The following ASXL3 variants were observed in gnomAD, a reference collection of about 807,000 sequenced individuals.
ASXL3 encodes the protein ASXL transcriptional regulator 3, also known as putative Polycomb group protein ASXL3.
In ASXL3, 34 loss-of-function variants were observed where a neutral mutation model predicts 170.6. The observed-to-expected ratio is 0.20, with a 90% CI of 0.15 to 0.27. ASXL3 has a LOEUF of 0.27. Among genes scored for constraint, ASXL3 ranks in the 10% least tolerant of loss-of-function variants. ASXL3 has a pLI of 1.00. For missense variants in ASXL3, 2,592 were observed against 2,695.3 expected, an observed-to-expected ratio of 0.96 and a Z score of 0.85; for synonymous variants, 1,002 against 989.1, an observed-to-expected ratio of 1.01 and a Z score of -0.24.
intron 1 of ASXL3, among the ~76,000 whole-genome samples, chr18:33,603,881 T>G (rs1174806935): frequency 6.6e-6 from 1 of 152,084 alleles, no homozygotes; most frequent in African/African-American, 2.4e-5. Flanking sequence ...ATGTAAAAAT[T>G]GAGCACTGTT....
rs143855418 is a variant in ASXL3 at position 33,739,399 on chromosome 18, A to G, written c.1995A>G (p.Arg665=). The change falls in exon 11 of 12, where the codon AGA becomes AGG. Residue 665 remains arginine, a synonymous_variant. Transcript: ENST00000269197. ...AAAATACAGACAAATACAACCAGAGAAATTCCACTGATGAAAACTTTCATG... is the reference window on the plus strand; with the variant it reads ...AAAATACAGACAAATACAACCAGAGGAATTCCACTGATGAAAACTTTCATG... ...STENTDKYNQ[R]NSTDENFHAS... 1,574 of 1,613,856 alleles carry G rather than the reference A, an allele frequency of 9.8e-4. 11 individuals are homozygous for G. In the African/African-American group the frequency reaches 0.018, roughly 18 times the overall value.
intron 11 of ASXL3, among the ~76,000 whole-genome samples, chr18:33,740,949 A>G (rs2067652231): frequency 6.6e-6 from 1 of 152,196 alleles, no homozygotes; most frequent in African/African-American, 2.4e-5. Context: ...GTCTAGAATT[A>G]TAAACATCTC....
In ASXL3 at chr18:33,686,235, G is replaced by A. The variant is rs534239290; in HGVS notation, c.879+2667G>A. On this transcript the variant is annotated intron_variant, in intron 8 of 11. Transcript: ENST00000269197. ...AGCATGTGTTGTGTACTATACGCAA[G>A]AATGGATCTTGTGGAGGATACAAGA... Among the ~76,000 whole-genome samples the A allele has an allele frequency of 3.9e-5, 6 of 152,276 alleles. No individual in the cohort carries two copies. The South Asian group carries it at 1.0e-3, about 26-fold the overall frequency.
At chr18:33,647,027 T>C (rs2065926676) in intron 4 of ASXL3, among the ~76,000 whole-genome samples, 1 of 152,028 alleles carries the variant, frequency 6.6e-6, no homozygotes, top group Admixed American at 6.6e-5. Flanking sequence ...CTGCAGTGCT[T>C]TCTTCTACTC....
intron 1 of ASXL3, among the ~76,000 whole-genome samples, chr18:33,595,692 A>C (rs921368223): frequency 2.6e-5 from 4 of 152,192 alleles, no homozygotes; most frequent in African/African-American, 9.7e-5. Flanking sequence ...ATGCCTACGA[A>C]CATAGCTTCC....
At chr18:33,641,249 G>A (rs570808130) in intron 2 of ASXL3, among the ~76,000 whole-genome samples, 1 of 151,978 alleles carries the variant, frequency 6.6e-6, no homozygotes, top group Non-Finnish European at 1.5e-5. Flanking sequence ...ACAGCACTGG[G>A]GCTCTGTAAA....
At chr18:33,630,669 T>C (rs541365890) in intron 2 of ASXL3, among the ~76,000 whole-genome samples, 1 of 152,124 alleles carries the variant, frequency 6.6e-6, no homozygotes, top group Non-Finnish European at 1.5e-5. Flanking sequence ...GCTGAATTCT[T>C]TTGACATTCT....
intron 1 of ASXL3, among the ~76,000 whole-genome samples, chr18:33,603,429 T>C (rs1429986307): frequency 1.3e-5 from 2 of 152,044 alleles, no homozygotes; most frequent in Non-Finnish European, 2.9e-5. Context: ...GCATTTTTTT[T>C]CTCCCCATAC....
intron 5 of ASXL3, among the ~76,000 whole-genome samples, chr18:33,668,438 A>AG (rs2066292249): frequency 6.6e-6 from 1 of 151,882 alleles, no homozygotes; most frequent in African/African-American, 2.4e-5. Context: ...AAAAAAAAAA[A>AG]AAAAATAGGA....
In ASXL3 at chr18:33,744,745, T is replaced by C. The variant is rs774163764; in HGVS notation, c.4897T>C (p.Tyr1633His). The C allele has an allele frequency of 6.2e-7, 1 of 1,613,954 alleles. No homozygotes were observed. The highest frequency in any genetic ancestry group is 8.5e-7 in the Non-Finnish European group (1 of 1,179,888). Reference protein sequence around the residue: ...THSGSSKQKEYLEQSCPKAIK... With the variant: ...THSGSSKQKEHLEQSCPKAIK... The stretch of plus-strand genomic sequence containing the variant: ...CTCGGGTTCAAGTAAACAAAAAGAA[T>C]ATCTAGAGCAAAGCTGTCCAAAGGC... Residue 1633 changes from tyrosine (Y) to histidine (H), a missense_variant, in exon 12 of 12, where the codon TAT becomes CAT. Around this residue, in one of 4 missense-constraint regions of ASXL3, gnomAD observed 2,246 missense variants for 2,219.6 expected, o/e 1.01. Coordinates refer to ENST00000269197, the MANE Select transcript of ASXL3 (RefSeq NM_030632.3).
chr18:33,593,423 T>C (rs2065097446), intron 1 of ASXL3, among the ~76,000 whole-genome samples: 1 of 151,986 alleles, frequency 6.6e-6, no homozygotes, highest in African/African-American at 2.4e-5. Flanking sequence ...GTTTCCACTC[T>C]TCCTTAGATA....
At chr18:33,654,096 C>G (rs915513872) in intron 4 of ASXL3, among the ~76,000 whole-genome samples, 1 of 151,964 alleles carries the variant, frequency 6.6e-6, no homozygotes, top group Non-Finnish European at 1.5e-5. Flanking sequence ...AAAACGTTTT[C>G]TTTTTAAATG....
chr18:33,733,435 G>T (rs939593845), intron 9 of ASXL3, among the ~76,000 whole-genome samples: 2 of 151,966 alleles, frequency 1.3e-5, no homozygotes, highest in African/African-American at 4.8e-5. Flanking sequence ...CACCTATCTG[G>T]TCATGAACTG....
chr18:33,698,550 G>A (rs1467917420), intron 8 of ASXL3, among the ~76,000 whole-genome samples: 1 of 152,074 alleles, frequency 6.6e-6, no homozygotes, highest in Non-Finnish European at 1.5e-5. Context: ...AACCATTGAT[G>A]TATGCCTGTT....
intron 8 of ASXL3, among the ~76,000 whole-genome samples, chr18:33,697,301 T>C (rs965954009): frequency 2.6e-5 from 4 of 152,116 alleles, no homozygotes; most frequent in Admixed American, 2.0e-4. Flanking sequence ...GTTCTAGACA[T>C]TGGAAATACT....
At chr18:33,636,966 C>T (rs959206806) in intron 2 of ASXL3, among the ~76,000 whole-genome samples, 11 of 151,986 alleles carry the variant, frequency 7.2e-5, no homozygotes, top group Non-Finnish European at 1.5e-4. Context: ...GGCTACTCAA[C>T]CTGTATTGCA....
At chr18:33,646,390 C>CTCT in intron 4 of ASXL3, 37 bp downstream of exon 4, 1 of 1,446,064 alleles carries the variant, frequency 6.9e-7, no homozygotes, top group Non-Finnish European at 9.6e-7. Flanking sequence ...ATCCCTTGTT[C>CTCT]TCTTAAAAGT....
rs144961249 is a variant in ASXL3, at chr18:33,665,801, T to A, written c.477+4064T>A. 6.7e-3 allele frequency among the ~76,000 whole-genome samples: 1,018 copies of A among 152,244 alleles called. 6 individuals are homozygous for A. The highest frequency in any genetic ancestry group is 0.011 in the Non-Finnish European group (766 of 68,020). On this transcript the variant is annotated intron_variant, in intron 5 of 11. Transcript: ENST00000269197. ...GGAAGAAAGTATTGCAATATGTCAC[T>A]GGAGAAAAGCATGCACAGTCAGCAT...
At chr18:33,589,414 T>C (rs959337892) in intron 1 of ASXL3, among the ~76,000 whole-genome samples, 2 of 152,162 alleles carry the variant, frequency 1.3e-5, no homozygotes, top group African/African-American at 4.8e-5. Flanking sequence ...TTTTTGCATT[T>C]ATAATCACTT....
Sources: allele counts gnomAD v4.1 joint callset (sites outside exome capture counted in the v4.1 genomes callset), GRCh38; gene constraint gnomAD v4.1.1; regional missense constraint gnomAD v4.1.1; transcripts MANE v1.5; gene names NCBI Gene and HGNC (gene_info 2026-07-23, HGNC 2026-07-21).